The following ABRAXAS2 variants were observed in gnomAD, a reference collection of about 807,000 sequenced individuals.
ABRAXAS2 encodes the protein abraxas 2, BRISC complex subunit, also known as BRISC complex subunit Abraxas 2.
ABRAXAS2 carries 23 observed loss-of-function variants against 49.0 expected under a neutral mutation model. The observed-to-expected ratio is 0.47, with a 90% CI of 0.34 to 0.66. The LOEUF (loss-of-function observed/expected upper bound fraction) is 0.66, where lower values mean the gene tolerates loss of function less well. Among genes scored for constraint, ABRAXAS2 ranks in the 30% least tolerant of loss-of-function variants. ABRAXAS2 has a pLI of 0.01. For missense variants in ABRAXAS2, 443 were observed against 511.9 expected (o/e 0.87, Z 1.30); for synonymous variants, 168 against 180.2 (o/e 0.93, Z 0.54).
At chr10:124,809,353 C>G (rs1336735348) in intron 2 of ABRAXAS2, among the ~76,000 whole-genome samples, 2 of 151,892 alleles carry the variant, frequency 1.3e-5, no homozygotes, top group African/African-American at 2.4e-5. Flanking sequence ...GCAGTGGCGT[C>G]AGCTCACTGC....
intron 4 of ABRAXAS2, among the ~76,000 whole-genome samples, chr10:124,819,654 A>G (rs993813059): frequency 1.3e-5 from 2 of 152,102 alleles, no homozygotes; most frequent in African/African-American, 4.8e-5. Context: ...CATGCCTGTA[A>G]TACCAGCTAC....
intron 4 of ABRAXAS2, among the ~76,000 whole-genome samples, chr10:124,823,440 A>G (rs1950875183): frequency 6.7e-6 from 1 of 150,198 alleles, no homozygotes; most frequent in African/African-American, 2.5e-5. Flanking sequence ...CGTGCTTACA[A>G]TGTTTGCACA....
At chr10:124,830,066 G>A (rs1950921474) in intron 7 of ABRAXAS2, among the ~76,000 whole-genome samples, 1 of 152,172 alleles carries the variant, frequency 6.6e-6, no homozygotes, top group African/African-American at 2.4e-5. Flanking sequence ...GAACAAAAGA[G>A]CGTTTGAACT....
intron 2 of ABRAXAS2, among the ~76,000 whole-genome samples, chr10:124,810,901 T>G (rs1950782457): frequency 6.6e-6 from 1 of 151,284 alleles, no homozygotes; most frequent in Non-Finnish European, 1.5e-5. Context: ...TTTTTATTTT[T>G]CTTTTCGTTT....
At chr10:124,825,282 C>T (rs1316250068) in intron 4 of ABRAXAS2, among the ~76,000 whole-genome samples, 1 of 138,578 alleles carries the variant, frequency 7.2e-6, no homozygotes, top group Non-Finnish European at 1.5e-5. Context: ...CATGCCACTG[C>T]ACTCTAGCCT....
intron 8 of ABRAXAS2, among the ~76,000 whole-genome samples, chr10:124,832,415 C>A (rs1018608453): frequency 6.6e-6 from 1 of 152,062 alleles, no homozygotes; most frequent in Non-Finnish European, 1.5e-5. Context: ...CAGATAATGT[C>A]AAGTGTAAAA....
chr10:124,821,176 G>C (rs979093097), intron 4 of ABRAXAS2, among the ~76,000 whole-genome samples: 1 of 152,056 alleles, frequency 6.6e-6, no homozygotes, highest in African/African-American at 2.4e-5. Context: ...GCCTCCCCAA[G>C]TGCTGGGATT....
rs1307473357 is a variant in ABRAXAS2 at position 124,828,627 on chromosome 10, G to A, written c.459-129G>A. 5.3e-6 allele frequency: 4 copies of A among 748,518 alleles called. No homozygotes were observed. The East Asian group carries it at 8.6e-5, about 16-fold the overall frequency. 46.4% of individuals were successfully genotyped at this position (748,518 alleles called of 1,614,324 possible). ...GACCTCAGGTGATCTGCCTGCCTCGGCCTCCCAAAGTGCTGAGATTAGAGG... is the reference window on the plus strand; with the variant it reads ...GACCTCAGGTGATCTGCCTGCCTCGACCTCCCAAAGTGCTGAGATTAGAGG... On this transcript the variant is annotated intron_variant, in intron 5 of 8. Coordinates refer to ENST00000298492, the MANE Select transcript of ABRAXAS2 (RefSeq NM_032182.4).
At chr10:124,820,478 T>G (rs1950855400) in intron 4 of ABRAXAS2, among the ~76,000 whole-genome samples, 1 of 152,184 alleles carries the variant, frequency 6.6e-6, no homozygotes, top group Admixed American at 6.5e-5. Flanking sequence ...TTATACTTTT[T>G]TTTAAAGTTT....
chr10:124,824,171 G>A (rs1950882135), intron 4 of ABRAXAS2, among the ~76,000 whole-genome samples: 1 of 152,126 alleles, frequency 6.6e-6, no homozygotes, highest in African/African-American at 2.4e-5. Flanking sequence ...CAAAGTGCTT[G>A]GATTACAGTA....
chr10:124,820,408 C>G (rs1564922177), intron 4 of ABRAXAS2, among the ~76,000 whole-genome samples: 1 of 152,194 alleles, frequency 6.6e-6, no homozygotes, highest in African/African-American at 2.4e-5. Flanking sequence ...CAGCCCGTCC[C>G]TCATCTCTCA....
At position 124,826,591 on chromosome 10, in the gene ABRAXAS2, T is replaced by C. The variant is rs994033213; in HGVS notation, c.268-4T>C. 5 of 1,600,550 alleles carry C rather than the reference T, an allele frequency of 3.1e-6. No homozygotes were observed. The highest frequency in any genetic ancestry group is 4.3e-6 in the Non-Finnish European group (5 of 1,172,924). On this transcript the variant is annotated splice_region_variant and splice_polypyrimidine_tract_variant and intron_variant, in intron 4 of 8. Coordinates refer to ENST00000298492, the MANE Select transcript of ABRAXAS2 (RefSeq NM_032182.4). ...TCATGCAACTTTTCACACTTTTCTT[T>C]CAGAAAGTCATTGGGTGGTACAGAT...
chr10:124,805,254 AC>A (rs1184253103), intron 1 of ABRAXAS2, among the ~76,000 whole-genome samples: 7 of 148,748 alleles, frequency 4.7e-5, no homozygotes, highest in Admixed American at 1.4e-4. Flanking sequence ...AATGGCGTGA[AC>A]CCCGGGAGGC....
rs1449804112 is a variant in ABRAXAS2 at position 124,834,625 on chromosome 10, C to G, written c.902C>G (p.Ala301Gly). 1.9e-6 allele frequency: 3 copies of G among 1,614,088 alleles called. No individual in the cohort carries two copies. The highest frequency in any genetic ancestry group is 1.7e-5 in the Admixed American group (1 of 60,004). ...EGRSTLGDAE[A>G]SDPPPPYSDF... ...AGAAGTACACTTGGAGATGCAGAGG[C>G]CTCGGATCCTCCTCCCCCTTACTCT... The change falls in exon 9 of 9, where the codon GCC (alanine) becomes GGC (glycine). Residue 301 changes from alanine (A) to glycine (G), a missense_variant. This residue lies in a region of ABRAXAS2 where 230 missense variants were observed against 237.0 expected (regional missense o/e 0.97). Coordinates refer to ENST00000298492, the MANE Select transcript of ABRAXAS2 (RefSeq NM_032182.4).
At chr10:124,808,850 G>A (rs1048341349) in intron 2 of ABRAXAS2, among the ~76,000 whole-genome samples, 3 of 152,200 alleles carry the variant, frequency 2.0e-5, no homozygotes, top group Non-Finnish European at 2.9e-5. Context: ...CTGTTGGCTA[G>A]CGGGGTGCAG....
intron 2 of ABRAXAS2, 118 bp downstream of exon 2, chr10:124,807,039 G>A (rs1164898119): frequency 1.8e-5 from 14 of 777,484 alleles, no homozygotes; most frequent in South Asian, 8.8e-5. Context: ...TATGCCAGGC[G>A]CGGTGGCTCA....
chr10:124,809,161 AAAG>A (rs1296896636), intron 2 of ABRAXAS2, among the ~76,000 whole-genome samples: 1 of 152,142 alleles, frequency 6.6e-6, no homozygotes, highest in Non-Finnish European at 1.5e-5. Context: ...GAAAAAAAGA[AAAG>A]AAAAATGAAG....
intron 2 of ABRAXAS2, among the ~76,000 whole-genome samples, chr10:124,810,527 A>G (rs945446038): frequency 6.6e-6 from 1 of 152,154 alleles, no homozygotes; most frequent in African/African-American, 2.4e-5. Context: ...TCTCATCTTA[A>G]AAGAAAAAAG....
At chr10:124,807,485 T>G (rs532578950) in intron 2 of ABRAXAS2, among the ~76,000 whole-genome samples, 2 of 150,494 alleles carry the variant, frequency 1.3e-5, no homozygotes, top group African/African-American at 4.9e-5. Context: ...AAACCCCGTC[T>G]CTACTAAAAA....
Sources: gnomAD v4.1 joint callset for allele counts (sites outside exome capture counted in the v4.1 genomes callset) on GRCh38, gnomAD v4.1.1 for gene constraint, gnomAD v4.1.1 regional missense constraint, MANE v1.5 for transcripts, NCBI Gene and HGNC (gene_info 2026-07-23, HGNC 2026-07-21) for gene names.